Variants in MKRN2OS observed in about 807,000 individuals in gnomAD.
The protein encoded by MKRN2OS is MKRN2 opposite strand, also known as MKRN2 opposite strand protein.
MKRN2OS carries 17 observed loss-of-function variants against 18.2 expected under a neutral mutation model. That is an observed-to-expected ratio of 0.93 (90% confidence interval 0.64 to 1.40). The LOEUF (loss-of-function observed/expected upper bound fraction) is 1.40, where lower values mean the gene tolerates loss of function less well. Ranked by LOEUF, MKRN2OS falls within the 40% of genes most tolerant of loss-of-function variation. The pLI, the probability that MKRN2OS is intolerant of heterozygous loss-of-function variation, is 0.00. For missense variants in MKRN2OS, 337 were observed against 283.0 expected (o/e 1.19, Z -1.37); for synonymous variants, 121 against 108.5 (o/e 1.12, Z -0.72).
At chr3:12,560,945 G>C (rs2058032399) in exon 1 of MKRN2OS, 1 of 152,218 alleles carries the variant, frequency 6.6e-6, no homozygotes, top group Non-Finnish European at 1.5e-5. Flanking sequence ...AACATAGATG[G>C]AGAGGAGTGA....
At chr3:12,558,899 G>A (rs974626659) in intron 1 of MKRN2OS, among the ~76,000 whole-genome samples, 45 of 152,258 alleles carry the variant, frequency 3.0e-4, no homozygotes, top group African/African-American at 1.0e-3. Context: ...AGCAACCAGC[G>A]CTCTTCCACA....
chr3:12,557,374 C>G (rs528309107), intron 1 of MKRN2OS, among the ~76,000 whole-genome samples: 1 of 152,226 alleles, frequency 6.6e-6, no homozygotes, highest in African/African-American at 2.4e-5. Flanking sequence ...GGCCGAGACG[C>G]TGGGCGAGGC....
chr3:12,542,835 G>A (rs539688738), intron 2 of MKRN2OS, among the ~76,000 whole-genome samples: 1 of 152,212 alleles, frequency 6.6e-6, no homozygotes, highest in Non-Finnish European at 1.5e-5. Flanking sequence ...CAGAGGGCCT[G>A]GTTCCAAATT....
chr3:12,550,982 A>G (rs910220177), downstream of MKRN2OS, among the ~76,000 whole-genome samples: 8 of 152,206 alleles, frequency 5.3e-5, no homozygotes, highest in South Asian at 4.1e-4. Flanking sequence ...GTTTCTTTAC[A>G]GTATCAGTAA....
chr3:12,553,229 C>G (rs559225566), downstream of MKRN2OS, among the ~76,000 whole-genome samples: 3 of 152,158 alleles, frequency 2.0e-5, no homozygotes, highest in Admixed American at 2.0e-4. Flanking sequence ...AAGAAAGGAA[C>G]ACTACAGACT....
chr3:12,552,917 C>G (rs184279988), downstream of MKRN2OS, among the ~76,000 whole-genome samples: 56 of 151,230 alleles, frequency 3.7e-4, no homozygotes, highest in East Asian at 0.011. Context: ...ACCTGTAGCC[C>G]CAGCTACTTG....
At chr3:12,546,996 TACTC>T (rs2057890633), upstream of MKRN2OS, among the ~76,000 whole-genome samples, 1 of 152,178 alleles carries the variant, frequency 6.6e-6, no homozygotes, top group Admixed American at 6.5e-5. Context: ...TAGTCCCAGT[TACTC>T]AGGTGGCTGA....
chr3:12,547,667 C>A (rs2057896400), upstream of MKRN2OS, among the ~76,000 whole-genome samples: 1 of 152,048 alleles, frequency 6.6e-6, no homozygotes, highest in Admixed American at 6.6e-5. Context: ...CATGGGAACC[C>A]ACATTTTGGT....
rs2057820995 is a variant in MKRN2OS, at chr3:12,541,970, C to T, written c.321G>A (p.Trp107Ter). 1 of 1,535,912 alleles carries T rather than the reference C, an allele frequency of 6.5e-7. No homozygotes were observed. Residue 107 changes from tryptophan (W) to a stop codon, truncating the protein, a stop_gained, in exon 3 of 4, where the codon TGG becomes TGA. Coordinates refer to ENST00000564146, the MANE Select transcript of MKRN2OS (RefSeq NM_001195279.2). LOFTEE classifies it high-confidence loss of function. ...AHGVQRDGEGWEESISIPLLQ... is the reference protein window; with the variant it reads ...AHGVQRDGEG ...GTAATGGGATGCTTATGCTCTCTTC[C>T]CACCCTTCTCCGTCTCGCTGGACAC...
chr3:12,543,245 T>C lies in MKRN2OS; in HGVS notation c.219-16A>G, dbSNP rs1559380681. On this transcript the variant is annotated splice_polypyrimidine_tract_variant and intron_variant, in intron 1 of 3. Transcript: ENST00000564146. ...ATCATACTCTCTGAAAGAAACAAGG[T>C]TTGTTTTTTTTTGGTTTGCATGTAT... 2 of 1,525,956 alleles carry C rather than the reference T, an allele frequency of 1.3e-6. No individual in the cohort carries two copies. Among genetic ancestry groups the C allele is most frequent in the South Asian group, 1.2e-5 (1 of 82,954 alleles). 94.5% of individuals were successfully genotyped at this position (1,525,956 alleles called of 1,614,324 possible). A position where few individuals can be genotyped will look rare whatever the true frequency, so the allele number is the denominator to read the frequency against.
At chr3:12,555,141 C>A (rs1484724446) in intron 1 of MKRN2OS, among the ~76,000 whole-genome samples, 1 of 152,026 alleles carries the variant, frequency 6.6e-6, no homozygotes, top group Admixed American at 6.6e-5. Flanking sequence ...GAAACCCCGT[C>A]GCTACTAAAA....
chr3:12,560,478 T>TAAAAAAAAAAAA (rs10651248), intron 1 of MKRN2OS, among the ~76,000 whole-genome samples: 1 of 124,960 alleles, frequency 8.0e-6, no homozygotes, highest in African/African-American at 2.8e-5. Context: ...TAGGAAAATG[T>TAAAAAAAAAAAA]AAAAAAAAAA....
rs906497773 is a variant in MKRN2OS at position 12,557,097 on chromosome 3, C to T, written n.265-2963G>A. ...GGCCGGGCCAGGGCCAAGGCCGAGG[C>T]GGCAGCGGCTGCGAGAGGCGGCGGC... is the stretch of plus-strand genomic sequence containing the variant. On this transcript the variant is annotated intron_variant and non_coding_transcript_variant, in intron 1 of 1. Coordinates refer to the MKRN2OS transcript ENST00000447550. The T allele has an allele frequency of 6.7e-6, 10 of 1,482,644 alleles. No homozygotes were observed. In the African/African-American group the frequency reaches 1.2e-4, roughly 17 times the overall value. 91.8% of individuals were successfully genotyped at this position (1,482,644 alleles called of 1,614,324 possible).
chr3:12,542,639 G>A (rs1159748272), intron 2 of MKRN2OS, among the ~76,000 whole-genome samples: 1 of 151,580 alleles, frequency 6.6e-6, no homozygotes, highest in Non-Finnish European at 1.5e-5. Context: ...GAAAGCTTCT[G>A]GCTGAAGGGT....
chr3:12,559,069 C>A (rs1397289275), intron 1 of MKRN2OS, among the ~76,000 whole-genome samples: 1 of 152,126 alleles, frequency 6.6e-6, no homozygotes, highest in African/African-American at 2.4e-5. Flanking sequence ...CAGGACTTAT[C>A]AAAGCTTTTA....
At chr3:12,548,693 A>T (rs140808109), upstream of MKRN2OS, among the ~76,000 whole-genome samples, 390 of 152,280 alleles carry the variant, frequency 2.6e-3, 3 homozygotes, top group African/African-American at 8.9e-3. Flanking sequence ...GACCCAAGCC[A>T]CTTTAAATTG....
chr3:12,545,675 C>G (rs536745321), upstream of MKRN2OS: 1 of 400,730 alleles, frequency 2.5e-6, no homozygotes, highest in East Asian at 3.8e-5. Flanking sequence ...TTGTTTATTT[C>G]CATTGTTTAT....
At chr3:12,546,717 A>G (rs2057887842), upstream of MKRN2OS, among the ~76,000 whole-genome samples, 1 of 151,038 alleles carries the variant, frequency 6.6e-6, no homozygotes, top group Admixed American at 6.7e-5. Flanking sequence ...AGCTGGGATT[A>G]CAGGTGCCCG....
chr3:12,541,816 A>G lies in MKRN2OS; in HGVS notation c.431+44T>C, dbSNP rs766670556. The G allele has an allele frequency of 2.0e-5, 31 of 1,514,118 alleles. No homozygotes were observed. In the South Asian group the frequency reaches 3.6e-4, roughly 17 times the overall value. The allele number at this position is 1,514,118 out of a possible 1,614,324, so 93.8% of individuals were successfully genotyped here. A position where few individuals can be genotyped will look rare whatever the true frequency, so the allele number is the denominator to read the frequency against. On this transcript the variant is annotated intron_variant, in intron 3 of 3. Transcript: ENST00000564146. ...GGCTACACGGGGATCCCACTTGCAT[A>G]GCATGTGAGTGTCAGCGAGGGGGCA...
Sources: allele counts gnomAD v4.1 joint callset (sites outside exome capture counted in the v4.1 genomes callset), GRCh38; gene constraint gnomAD v4.1.1; transcripts MANE v1.5; gene names NCBI Gene and HGNC (gene_info 2026-07-23, HGNC 2026-07-21).